Variants in PRKAR1B observed in about 807,000 individuals in gnomAD.
PRKAR1B encodes the protein cAMP-dependent protein kinase type I-beta regulatory subunit.
In PRKAR1B, 22 loss-of-function variants were observed where a neutral mutation model predicts 46.5. The observed-to-expected ratio is 0.47, with a 90% CI of 0.34 to 0.68. The LOEUF (loss-of-function observed/expected upper bound fraction) is 0.68. Ranked by LOEUF, PRKAR1B falls within the 30% of genes least tolerant of loss-of-function variation. The pLI, the probability that PRKAR1B is intolerant of heterozygous loss-of-function variation, is 0.01. For missense variants in PRKAR1B, 445 were observed against 535.6 expected (o/e 0.83, Z 1.67); for synonymous variants, 259 against 217.7 (o/e 1.19, Z -1.67).
intron 9 of PRKAR1B, among the ~76,000 whole-genome samples, chr7:574,676 T>C (rs1779718130): frequency 6.6e-6 from 1 of 152,222 alleles, no homozygotes; most frequent in Non-Finnish European, 1.5e-5. Context: ...AGTCCTGACC[T>C]CAAGTGATCC....
At chr7:563,365 G>T (rs35458329) in intron 9 of PRKAR1B, among the ~76,000 whole-genome samples, 50,831 of 152,206 alleles carry the variant, frequency 0.33, 8,632 homozygotes, top group East Asian at 0.39. Context: ...CCATTCCTTA[G>T]GCCAGAAGGG....
intron 2 of PRKAR1B, among the ~76,000 whole-genome samples, chr7:709,323 GTA>G (rs1336661595): frequency 6.6e-6 from 1 of 150,656 alleles, no homozygotes. Flanking sequence ...ATGCATGTAT[GTA>G]TGTGTGTGTA....
chr7:633,846 C>T (rs1215120840), intron 4 of PRKAR1B, among the ~76,000 whole-genome samples: 2 of 152,006 alleles, frequency 1.3e-5, no homozygotes, highest in African/African-American at 4.8e-5. Flanking sequence ...TGTGTAATCA[C>T]GGGAAACAGG....
chr7:710,237 T>A (rs536935414), intron 2 of PRKAR1B, among the ~76,000 whole-genome samples: 1 of 152,266 alleles, frequency 6.6e-6, no homozygotes, highest in East Asian at 1.9e-4. Context: ...GCTTCCCAAG[T>A]TCCCATTTGG....
intron 4 of PRKAR1B, among the ~76,000 whole-genome samples, chr7:610,150 C>T (rs1782392816): frequency 6.6e-6 from 1 of 152,216 alleles, no homozygotes; most frequent in South Asian, 2.1e-4. Flanking sequence ...CCACGATGGA[C>T]ATGACAGAAC....
chr7:657,558 T>A (rs1196651174), intron 4 of PRKAR1B, among the ~76,000 whole-genome samples: 1 of 152,058 alleles, frequency 6.6e-6, no homozygotes. Context: ...AATACAAAGC[T>A]ATGGGGGTGG....
intron 2 of PRKAR1B, among the ~76,000 whole-genome samples, chr7:700,788 G>A (rs1056664666): frequency 6.6e-6 from 1 of 152,130 alleles, no homozygotes; most frequent in Admixed American, 6.6e-5. Context: ...GAAAAATAAA[G>A]TAACAGAAAA....
chr7:584,615 C>G, intron 7 of PRKAR1B, 47 bp from the exon 8 acceptor site: 1 of 1,481,328 alleles, frequency 6.8e-7, no homozygotes, highest in African/African-American at 1.4e-5. Context: ...AATCTTCATA[C>G]CTGGATCATC....
intron 4 of PRKAR1B, among the ~76,000 whole-genome samples, chr7:617,436 A>G (rs1782891465): frequency 6.6e-6 from 1 of 151,786 alleles, no homozygotes; most frequent in African/African-American, 2.4e-5. Flanking sequence ...TCCCAAGCAG[A>G]TGGGACCACC....
At chr7:579,546 C>T (rs898434553) in intron 8 of PRKAR1B, among the ~76,000 whole-genome samples, 169 bp from the exon 9 acceptor site, 1 of 152,248 alleles carries the variant, frequency 6.6e-6, no homozygotes, top group Admixed American at 6.5e-5. Context: ...TCCCCCAGCA[C>T]CTCTGTGCCA....
At chr7:679,679 C>A (rs1055096637) in intron 3 of PRKAR1B, among the ~76,000 whole-genome samples, 6 of 152,182 alleles carry the variant, frequency 3.9e-5, no homozygotes, top group African/African-American at 1.4e-4. Context: ...TAACGCCACT[C>A]AACTGTGCAC....
intron 2 of PRKAR1B, among the ~76,000 whole-genome samples, chr7:684,369 T>C (rs1778885738): frequency 6.6e-6 from 1 of 152,222 alleles, no homozygotes; most frequent in Non-Finnish European, 1.5e-5. Context: ...AGATGGAAAG[T>C]GCACGTTTCC....
intron 8 of PRKAR1B, among the ~76,000 whole-genome samples, chr7:582,705 G>A (rs1203945638): frequency 6.6e-6 from 1 of 152,198 alleles, no homozygotes; most frequent in Non-Finnish European, 1.5e-5. Context: ...TGCAGCAACC[G>A]TTGTCTCGAC....
chr7:601,253 T>G (rs1217669269), intron 6 of PRKAR1B, among the ~76,000 whole-genome samples: 1 of 152,160 alleles, frequency 6.6e-6, no homozygotes, highest in Non-Finnish European at 1.5e-5. Flanking sequence ...GGACCCTGGG[T>G]AGCCGTAGTC....
At chr7:713,594 G>C (rs974282937) in intron 1 of PRKAR1B, among the ~76,000 whole-genome samples, 17 of 124,904 alleles carry the variant, frequency 1.4e-4, no homozygotes, top group South Asian at 5.5e-4. Context: ...CCGTCTCCCA[G>C]TCAGCCCTCC....
chr7:620,226 G>A (rs1223385541), intron 4 of PRKAR1B, among the ~76,000 whole-genome samples: 6 of 152,174 alleles, frequency 3.9e-5, no homozygotes, highest in African/African-American at 1.4e-4. Context: ...TGCTTTGAAG[G>A]TAGAGATTAA....
At chr7:672,947 A>T (rs1191353013) in intron 4 of PRKAR1B, among the ~76,000 whole-genome samples, 1 of 147,604 alleles carries the variant, frequency 6.8e-6, no homozygotes, top group Non-Finnish European at 1.5e-5. Flanking sequence ...CAGGAAGTTG[A>T]GGTAGGAGAA....
intron 1 of PRKAR1B, chr7:712,375 C>T (rs1248012809): frequency 6.7e-6 from 1 of 148,788 alleles, no homozygotes; most frequent in African/African-American, 2.5e-5. Flanking sequence ...CTCCCAGGCC[C>T]GGGGCTCCCG....
intron 9 of PRKAR1B, among the ~76,000 whole-genome samples, chr7:557,461 T>C (rs1778517679): frequency 6.6e-6 from 1 of 152,250 alleles, no homozygotes; most frequent in African/African-American, 2.4e-5. Flanking sequence ...CCCTGCACAC[T>C]GACGGTGGTG....
Sources: allele counts gnomAD v4.1 joint callset (sites outside exome capture counted in the v4.1 genomes callset), GRCh38; gene constraint gnomAD v4.1.1; transcripts MANE v1.5; gene names NCBI Gene and HGNC (gene_info 2026-07-23, HGNC 2026-07-21).